Variants in DNAH17 observed in about 807,000 individuals in gnomAD.
DNAH17 encodes axonemal beta dynein heavy chain 17.
In DNAH17, 376 loss-of-function variants were observed where a neutral mutation model predicts 485.6. The ratio of observed to expected loss-of-function variants is 0.77; its 90% CI spans 0.71 to 0.84. The LOEUF is 0.84. DNAH17 is among the 40% of genes least tolerant of loss of function. The pLI is 0.00. For synonymous variants in DNAH17, 3,031 were observed against 2,405.9 expected, an observed-to-expected ratio of 1.26 and a Z score of -7.60; for missense variants, 6,370 against 5,839.3, an observed-to-expected ratio of 1.09 and a Z score of -2.96.
intron 16 of DNAH17, among the ~76,000 whole-genome samples, chr17:78,550,499 G>T (rs2091878603): frequency 2.5e-5 from 1 of 40,760 alleles, no homozygotes; most frequent in Non-Finnish European, 5.0e-5. Flanking sequence ...CATTAGTGTG[G>T]GCCCTCATCC....
intron 14 of DNAH17, among the ~76,000 whole-genome samples, chr17:78,553,768 A>G (rs1418243546): frequency 6.6e-6 from 1 of 152,218 alleles, no homozygotes; most frequent in Non-Finnish European, 1.5e-5. Context: ...ATGACTAATT[A>G]AGAATTAACT....
chr17:78,495,277 C>T (rs1049464792), intron 38 of DNAH17, among the ~76,000 whole-genome samples, 180 bp from the exon 39 acceptor site: 1 of 152,286 alleles, frequency 6.6e-6, no homozygotes, highest in Non-Finnish European at 1.5e-5. Context: ...CCCTCCTCCT[C>T]CCACATCATC....
At chr17:78,455,223 C>T (rs2087738624) in intron 63 of DNAH17, among the ~76,000 whole-genome samples, 1 of 150,616 alleles carries the variant, frequency 6.6e-6, no homozygotes, top group African/African-American at 2.4e-5. Flanking sequence ...GGGCCACATT[C>T]TCATCCCCAA....
intron 69 of DNAH17, among the ~76,000 whole-genome samples, chr17:78,447,270 T>C (rs188979165): frequency 6.6e-6 from 1 of 152,336 alleles, no homozygotes; most frequent in East Asian, 1.9e-4. Flanking sequence ...TTGTGAATGC[T>C]GATGTACAGG....
At chr17:78,532,831 T>G in intron 19 of DNAH17, 95 bp from the exon 20 acceptor site, 1 of 1,364,262 alleles carries the variant, frequency 7.3e-7, no homozygotes, top group Non-Finnish European at 9.7e-7. Context: ...GGTTCTCTGT[T>G]GGCGAAAGGG....
Position 78,569,168 on chromosome 17 carries a change from C to G in DNAH17, c.1282G>C (p.Glu428Gln). 1 of 1,598,924 alleles carries G rather than the reference C, an allele frequency of 6.3e-7. No homozygotes were observed. The highest frequency in any genetic ancestry group is 8.5e-7 in the Non-Finnish European group (1 of 1,172,596). ...NSFFQRIQTI[E>Q]ELYKTAIEFL... ...GATGCACCGAGTTCTGTTTTTACCT[C>G]AATGGTCTGGATGCGCTGGAAGAAG... Residue 428 changes from glutamate to glutamine, a missense_variant and splice_region_variant, in exon 9 of 81, where the codon GAG (glutamate) becomes CAG (glutamine). Glu to Gln is a conservative substitution (Grantham distance 29). Coordinates refer to ENST00000389840, the MANE Select transcript of DNAH17 (RefSeq NM_173628.4).
chr17:78,472,267 G>A (rs1317816757), intron 54 of DNAH17, among the ~76,000 whole-genome samples: 3 of 151,372 alleles, frequency 2.0e-5, no homozygotes, highest in Admixed American at 6.6e-5. Flanking sequence ...TTAGGGTTAG[G>A]GAGTAGGGGT....
At chr17:78,529,818 G>A in intron 21 of DNAH17, 124 bp from the exon 22 acceptor site, 1 of 985,440 alleles carries the variant, frequency 1.0e-6, no homozygotes, top group Non-Finnish European at 1.5e-6. Context: ...AAGGCCCCAG[G>A]TGGGGAGGGA....
rs370537934 is a variant in DNAH17, at chr17:78,532,662, C to T, written c.2934G>A (p.Lys978=). Residue 978 remains lysine (K), a synonymous_variant, in exon 20 of 81, where the codon AAG becomes AAA. Transcript: ENST00000389840. The part of the protein sequence containing the change: ...EVSSLVINAM[K]EAEEYQDSFE... ...AGGAATCCTGGTACTCCTCGGCCTC[C>T]TTCATGGCATTGATGACCAGGCTGG... 19 of 1,595,558 alleles carry T rather than the reference C, an allele frequency of 1.2e-5. No individual in the cohort carries two copies. The African/African-American group carries it at 2.5e-4, about 21-fold the overall frequency.
chr17:78,571,107 A>G (rs552483642), intron 5 of DNAH17, 74 bp from the exon 6 acceptor site: 2 of 1,400,978 alleles, frequency 1.4e-6, no homozygotes, highest in East Asian at 2.5e-5. Context: ...GTGCGGCTCC[A>G]TGTGCTGAGA....
At chr17:78,440,995 C>G in intron 72 of DNAH17, 56 bp downstream of exon 72, 1 of 1,549,326 alleles carries the variant, frequency 6.5e-7, no homozygotes, top group Non-Finnish European at 8.7e-7. Context: ...TTCCTGGTGC[C>G]TGGTGATGCT....
chr17:78,487,051 G>C (rs77270264), intron 44 of DNAH17, among the ~76,000 whole-genome samples: 1 of 149,062 alleles, frequency 6.7e-6, no homozygotes, highest in Non-Finnish European at 1.5e-5. Flanking sequence ...TTCAGTGTAA[G>C]AGTACAAATC....
chr17:78,468,219 G>A lies in DNAH17; in HGVS notation c.8778+398C>T, dbSNP rs909603424. On this transcript the variant is annotated intron_variant, in intron 55 of 80. Transcript: ENST00000389840. The stretch of plus-strand genomic sequence containing the variant: ...ATATAGTATAACAACTATTTACATA[G>A]CATTCTACATTATATTAGGTATTAT... Among the ~76,000 whole-genome samples the A allele has an allele frequency of 2.6e-5, 4 of 152,054 alleles. No individual in the cohort carries two copies. In the East Asian group the frequency reaches 5.8e-4, roughly 22 times the overall value.
intron 18 of DNAH17, among the ~76,000 whole-genome samples, chr17:78,538,156 AAAAAAAAG>A (rs2091428530): frequency 1.4e-5 from 2 of 146,042 alleles, no homozygotes; most frequent in Non-Finnish European, 3.1e-5. Context: ...AAAAAAAAAA[AAAAAAAAG>A]AATGGAGACA....
chr17:78,538,769 G>C (rs1188308575), intron 18 of DNAH17, among the ~76,000 whole-genome samples: 3 of 152,142 alleles, frequency 2.0e-5, no homozygotes, highest in Non-Finnish European at 2.9e-5. Context: ...GTCTGTGACT[G>C]GTTACCAGCT....
intron 54 of DNAH17, among the ~76,000 whole-genome samples, chr17:78,473,824 G>A (rs1378883891): frequency 6.6e-6 from 1 of 152,190 alleles, no homozygotes; most frequent in African/African-American, 2.4e-5. Context: ...AATGGAGAAA[G>A]CTCAGTAAAA....
At chr17:78,448,175 A>C (rs1045502307) in intron 69 of DNAH17, among the ~76,000 whole-genome samples, 3 of 151,356 alleles carry the variant, frequency 2.0e-5, no homozygotes, top group Non-Finnish European at 4.4e-5. Flanking sequence ...TCCGTCTAAA[A>C]AACAAACAAA....
chr17:78,537,941 C>T (rs1013948244), intron 18 of DNAH17, among the ~76,000 whole-genome samples: 1 of 152,138 alleles, frequency 6.6e-6, no homozygotes, highest in Non-Finnish European at 1.5e-5. Context: ...GAGTTTGAGA[C>T]CAGCCTGGCC....
chr17:78,427,962 G>T (rs2672904), intron 77 of DNAH17, among the ~76,000 whole-genome samples: 2 of 75,588 alleles, frequency 2.6e-5, no homozygotes, highest in Non-Finnish European at 5.2e-5. Flanking sequence ...GCAAAACTCC[G>T]TCTCAAAAAA....
Sources: allele counts gnomAD v4.1 joint callset (sites outside exome capture counted in the v4.1 genomes callset), GRCh38; gene constraint gnomAD v4.1.1; transcripts MANE v1.5; gene names NCBI Gene and HGNC (gene_info 2026-07-23, HGNC 2026-07-21).